RNF8: variants seen among roughly 807,000 people sequenced by gnomAD.
The protein encoded by RNF8 is E3 ubiquitin-protein ligase RNF8.
RNF8 carries 8 observed loss-of-function variants against 59.3 expected under a neutral mutation model. The observed-to-expected ratio is 0.13, with a 90% CI of 0.08 to 0.24. RNF8 has a LOEUF of 0.24. Among genes scored for constraint, RNF8 ranks in the 10% least tolerant of loss-of-function variants. The pLI, the probability that RNF8 is intolerant of heterozygous loss-of-function variation, is 1.00. For missense variants in RNF8, 406 were observed against 572.6 expected (o/e 0.71, Z 2.97); for synonymous variants, 162 against 200.0 (o/e 0.81, Z 1.60).
At chr6:37,366,331 C>A (rs1326863537) in intron 2 of RNF8, among the ~76,000 whole-genome samples, 1 of 152,168 alleles carries the variant, frequency 6.6e-6, no homozygotes, top group Non-Finnish European at 1.5e-5. Context: ...TGTGTATAAT[C>A]TAAAATCGAC....
chr6:37,369,364 T>A, intron 3 of RNF8, 146 bp downstream of exon 3: 2 of 1,014,648 alleles, frequency 2.0e-6, no homozygotes, highest in Admixed American at 2.9e-5. Flanking sequence ...AGTAAACTTT[T>A]GAGATAAGGG....
rs533747682 is a variant in RNF8, at chr6:37,381,234, C to G, written c.1321C>G (p.Arg441Gly). Residue 441 changes from arginine (R) to glycine (G), a missense_variant, in exon 7 of 8, where the codon CGG becomes GGG. Arg to Gly is a moderately radical substitution (Grantham distance 125, BLOSUM62 -2). Around this residue, in one of 3 missense-constraint regions of RNF8, gnomAD observed 59 missense variants for 118.5 expected, o/e 0.50. Coordinates refer to ENST00000373479, the MANE Select transcript of RNF8 (RefSeq NM_003958.4). The part of the protein sequence containing the change: ...MKRKIECPIC[R>G]KDIKSKTYSL... ...GCGGAAGATAGAATGCCCCATTTGTCGGAAGGACATTAAGTCCAAAACGTA... is the reference window on the plus strand; with the variant it reads ...GCGGAAGATAGAATGCCCCATTTGTGGGAAGGACATTAAGTCCAAAACGTA... The G allele has an allele frequency of 6.2e-7, 1 of 1,614,032 alleles. No homozygotes were observed. The highest frequency in any genetic ancestry group is 2.2e-5 in the East Asian group (1 of 44,880).
At position 37,354,152 on chromosome 6, in the gene RNF8, G is replaced by T. The variant is rs1361748774; in HGVS notation, c.-13G>T. ...CTCGCTCGGTGCTGACCGCCCCCGG[G>T]GTCGAGTAGGCGATGGGGGAGCCCG... On this transcript the variant is annotated 5_prime_UTR_variant, in exon 1 of 8. Coordinates refer to ENST00000373479, the MANE Select transcript of RNF8 (RefSeq NM_003958.4). 1.7e-5 allele frequency: 27 copies of T among 1,565,166 alleles called. No individual in the cohort carries two copies. The highest frequency in any genetic ancestry group is 2.1e-5 in the Non-Finnish European group (24 of 1,155,268).
At position 37,377,030 on chromosome 6, in the gene RNF8, T is replaced by C; in HGVS notation, c.1233T>C (p.Ile411=). 6.5e-7 allele frequency: 1 copy of C among 1,532,232 alleles called. No individual in the cohort carries two copies. The highest frequency in any genetic ancestry group is 9.0e-7 in the Non-Finnish European group (1 of 1,106,346). 94.9% of individuals were successfully genotyped at this position (1,532,232 alleles called of 1,614,324 possible). A position where few individuals can be genotyped will look rare whatever the true frequency, so the allele number is the denominator to read the frequency against. Residue 411 remains isoleucine (I), a synonymous_variant, in exon 6 of 8, where the codon ATT becomes ATC. Coordinates refer to ENST00000373479, the MANE Select transcript of RNF8 (RefSeq NM_003958.4). The part of the protein sequence containing the change: ...LQCIICSEYF[I]EAVTLNCAHS... ...GTATTATTTGTTCAGAATACTTCATTGAGGTAATTATGAACAGTTGCTCAC... is the reference window on the plus strand; with the variant it reads ...GTATTATTTGTTCAGAATACTTCATCGAGGTAATTATGAACAGTTGCTCAC...
At chr6:37,379,719 A>G (rs1770173698) in intron 6 of RNF8, among the ~76,000 whole-genome samples, 2 of 152,054 alleles carry the variant, frequency 1.3e-5, no homozygotes, top group African/African-American at 2.4e-5. Context: ...CAGCATTTTT[A>G]GTTGCCTTCT....
rs577127598 is a variant in RNF8, at chr6:37,392,338, T to G, written c.*1580T>G. On this transcript the variant is annotated 3_prime_UTR_variant, in exon 8 of 8. Coordinates refer to ENST00000373479, the MANE Select transcript of RNF8 (RefSeq NM_003958.4). ...GTTTAGTTTACATATTGTAATTCAT[T>G]TTTAAGAGAGTACAGACATACACTT... 3.5e-5 allele frequency: 14 copies of G among 397,744 alleles called. No individual in the cohort carries two copies. In the East Asian group the frequency reaches 3.6e-4, roughly 10 times the overall value. 24.6% of individuals were successfully genotyped at this position (397,744 alleles called of 1,614,324 possible).
intron 6 of RNF8, among the ~76,000 whole-genome samples, chr6:37,379,645 T>G (rs1285292797): frequency 6.6e-6 from 1 of 152,246 alleles, no homozygotes; most frequent in East Asian, 1.9e-4. Flanking sequence ...GGCACATTAC[T>G]TAGATATTCA....
chr6:37,370,137 TG>T (rs996005845), intron 3 of RNF8: 10 of 152,228 alleles, frequency 6.6e-5, no homozygotes, highest in African/African-American at 2.2e-4. Context: ...ATAAGCTTTT[TG>T]TTTGGGTTGC....
At chr6:37,374,888 A>G (rs1424377445) in intron 5 of RNF8, among the ~76,000 whole-genome samples, 179 bp downstream of exon 5, 1 of 152,140 alleles carries the variant, frequency 6.6e-6, no homozygotes, top group Non-Finnish European at 1.5e-5. Flanking sequence ...GACAACATCT[A>G]TTTCCTTCCC....
At chr6:37,365,261 T>G (rs183309661) in intron 2 of RNF8, among the ~76,000 whole-genome samples, 192 of 152,282 alleles carry the variant, frequency 1.3e-3, no homozygotes, top group African/African-American at 4.3e-3. Context: ...AAAGTGTAGA[T>G]AATAAGATTC....
In RNF8 at chr6:37,356,892, C is replaced by T. The variant is rs60949300; in HGVS notation, c.111+2617C>T. 4.9e-3 allele frequency among the ~76,000 whole-genome samples: 751 copies of T among 152,314 alleles called. 7 individuals carry two copies. Among genetic ancestry groups the T allele is most frequent in the African/African-American group, 0.017 (711 of 41,562 alleles). ...TAGCTGGGATTACAGATATGCACCACTATGCCCAGTTACTTTTTGTGTTTT... is the reference window on the plus strand; with the variant it reads ...TAGCTGGGATTACAGATATGCACCATTATGCCCAGTTACTTTTTGTGTTTT... On this transcript the variant is annotated intron_variant, in intron 1 of 7. Coordinates refer to ENST00000373479, the MANE Select transcript of RNF8 (RefSeq NM_003958.4).
At chr6:37,358,504 C>T (rs1769199385) in intron 1 of RNF8, among the ~76,000 whole-genome samples, 1 of 152,072 alleles carries the variant, frequency 6.6e-6, no homozygotes, top group African/African-American at 2.4e-5. Context: ...TGAATTATAG[C>T]CCATATAATT....
intron 1 of RNF8, among the ~76,000 whole-genome samples, chr6:37,357,706 A>T (rs1004303782): frequency 1.3e-5 from 2 of 152,220 alleles, no homozygotes; most frequent in Non-Finnish European, 2.9e-5. Context: ...TTAAAGAGAA[A>T]CAAGTGAGAC....
rs1280486988 is a variant in RNF8, at chr6:37,390,750, T to C, written c.1450T>C (p.Leu484=). 10 of 1,612,642 alleles carry C rather than the reference T, an allele frequency of 6.2e-6. No individual in the cohort carries two copies. The highest frequency in any genetic ancestry group is 8.5e-6 in the Non-Finnish European group (10 of 1,178,698). Residue 484 remains leucine, a synonymous_variant, in exon 8 of 8, where the codon TTG becomes CTG. Transcript: ENST00000373479. ...VLIRERKAKR[L]F ...CTTCTTTTTCTCCAAAGCAAAGAGA[T>C]TGTTCTGAAGACCGTGCTCTAAGGG...
chr6:37,372,355 A>G (rs1190856176), intron 4 of RNF8, among the ~76,000 whole-genome samples: 1 of 152,230 alleles, frequency 6.6e-6, no homozygotes, highest in African/African-American at 2.4e-5. Context: ...CAGTATTGTA[A>G]GCATGACAGG....
chr6:37,365,381 A>G (rs1769506646), intron 2 of RNF8, among the ~76,000 whole-genome samples: 1 of 152,206 alleles, frequency 6.6e-6, no homozygotes, highest in African/African-American at 2.4e-5. Context: ...TTACACAACT[A>G]TATGTGTTTA....
chr6:37,368,690 A>T lies in RNF8; in HGVS notation c.447A>T (p.Glu149Asp). ...KNDQMIEKNK[E>D]LRTKRKFSLD... ...ACCAAATGATAGAAAAAAATAAGGAATTGAGAACTAAAAGGAAATTCAGTT... is the reference window on the plus strand; with the variant it reads ...ACCAAATGATAGAAAAAAATAAGGATTTGAGAACTAAAAGGAAATTCAGTT... Residue 149 changes from glutamate (E) to aspartate (D), a missense_variant, in exon 3 of 8, where the codon GAA becomes GAT. Physicochemically the swap from Glu to Asp is conservative, Grantham distance 45 (BLOSUM62 2). Coordinates refer to ENST00000373479, the MANE Select transcript of RNF8 (RefSeq NM_003958.4). 6.2e-7 allele frequency: 1 copy of T among 1,613,970 alleles called. No individual in the cohort carries two copies.
At chr6:37,385,855 A>ATTTTTTTTTT in intron 7 of RNF8, among the ~76,000 whole-genome samples, 1 of 117,196 alleles carries the variant, frequency 8.5e-6, no homozygotes, top group South Asian at 2.8e-4. Context: ...TTCCTTTGTC[A>ATTTTTTTTTT]TTTTTTTTTT....
At position 37,371,529 on chromosome 6, in the gene RNF8, A is replaced by T. The variant is rs578189466; in HGVS notation, c.993A>T (p.Gln331His). 10 of 1,614,052 alleles carry T rather than the reference A, an allele frequency of 6.2e-6. 1 individual carries two copies. In the South Asian group the frequency reaches 1.1e-4, roughly 18 times the overall value. Residue 331 changes from glutamine (Q) to histidine (H), a missense_variant, in exon 4 of 8, where the codon CAA (glutamine) becomes CAT (histidine). Gln to His is a conservative substitution (Grantham distance 24). Transcript: ENST00000373479. The stretch of plus-strand genomic sequence containing the variant: ...CTTTGCAGGGTTTGGAGATAGCCCA[A>T]GGAGAAAAGGACCTGAAGCAACAGC... ...EQHLQGLEIA[Q>H]GEKDLKQQLA...
Sources: gnomAD v4.1 joint callset for allele counts (sites outside exome capture counted in the v4.1 genomes callset) on GRCh38, gnomAD v4.1.1 for gene constraint, gnomAD v4.1.1 regional missense constraint, MANE v1.5 for transcripts, NCBI Gene and HGNC (gene_info 2026-07-23, HGNC 2026-07-21) for gene names.